IL1RAP: variants seen among roughly 807,000 people sequenced by gnomAD.
IL1RAP encodes interleukin 1 receptor accessory protein.
IL1RAP carries 35 observed loss-of-function variants against 60.7 expected under a neutral mutation model. The observed-to-expected ratio is 0.58, with a 90% CI of 0.44 to 0.76. The LOEUF (loss-of-function observed/expected upper bound fraction) is 0.76, where lower values mean the gene tolerates loss of function less well. IL1RAP is among the 30% of genes least tolerant of loss of function. The pLI, the probability that IL1RAP is intolerant of heterozygous loss-of-function variation, is 0.00. For missense variants in IL1RAP, 572 were observed against 693.9 expected (o/e 0.82, Z 1.97); for synonymous variants, 268 against 250.9 (o/e 1.07, Z -0.64).
chr3:190,518,544 A>C (rs1236454582), intron 1 of IL1RAP: 1 of 152,170 alleles, frequency 6.6e-6, no homozygotes, highest in Non-Finnish European at 1.5e-5. Flanking sequence ...AGCATGGCCT[A>C]TGTATTAGTC....
chr3:190,529,839 C>G (rs1352657329), intron 1 of IL1RAP, among the ~76,000 whole-genome samples: 1 of 137,610 alleles, frequency 7.3e-6, no homozygotes, highest in African/African-American at 2.8e-5. Context: ...GAGTGGGCAA[C>G]AGAGCGAGAC....
intron 5 of IL1RAP, among the ~76,000 whole-genome samples, chr3:190,617,650 T>G (rs963969577): frequency 6.6e-6 from 1 of 152,242 alleles, no homozygotes; most frequent in Non-Finnish European, 1.5e-5. Flanking sequence ...GTTTGTTTTC[T>G]TCTGGATTCC....
intron 9 of IL1RAP, among the ~76,000 whole-genome samples, chr3:190,641,091 G>A (rs1354204726): frequency 5.9e-5 from 9 of 152,040 alleles, no homozygotes; most frequent in African/African-American, 1.9e-4. Context: ...TCAGCCTCCC[G>A]AGTAGCTGGG....
At chr3:190,570,551 ATATT>A (rs142993218) in intron 3 of IL1RAP, among the ~76,000 whole-genome samples, 84,072 of 150,208 alleles carry the variant, frequency 0.56, 24,098 homozygotes, top group East Asian at 0.75. Flanking sequence ...AGATACTTTC[ATATT>A]TATTTATTTA....
At chr3:190,627,737 C>T (rs913451298) in intron 8 of IL1RAP, among the ~76,000 whole-genome samples, 25 of 152,128 alleles carry the variant, frequency 1.6e-4, no homozygotes, top group African/African-American at 6.0e-4. Context: ...TGTCTTAAGC[C>T]CAGCAAGATT....
At chr3:190,540,354 C>T (rs1428296552) in intron 1 of IL1RAP, among the ~76,000 whole-genome samples, 4 of 151,924 alleles carry the variant, frequency 2.6e-5, no homozygotes, top group African/African-American at 7.3e-5. Context: ...GTAAGATGTC[C>T]ATTTTGAAGC....
intron 11 of IL1RAP, among the ~76,000 whole-genome samples, chr3:190,647,745 C>T (rs1347875497): frequency 2.0e-5 from 3 of 152,168 alleles, no homozygotes; most frequent in Non-Finnish European, 4.4e-5. Flanking sequence ...TTTTGTTAAG[C>T]TTCTAGTCTA....
At chr3:190,521,693 C>A (rs1722033230) in intron 1 of IL1RAP, among the ~76,000 whole-genome samples, 1 of 151,742 alleles carries the variant, frequency 6.6e-6, no homozygotes, top group South Asian at 2.1e-4. Context: ...CCCTTTATGT[C>A]CTTAAGGATG....
chr3:190,555,926 GTCTATCTATCTATCTATCTATCTA>G (rs67490704), intron 1 of IL1RAP, 180 bp from the exon 2 acceptor site: 3 of 145,028 alleles, frequency 2.1e-5, no homozygotes, highest in South Asian at 2.3e-4. Context: ...ATAGAGATCT[GTCTATCTATCTATCTATCTATCTA>G]TCTATCTATC....
intron 6 of IL1RAP, among the ~76,000 whole-genome samples, chr3:190,622,148 A>G (rs554305939): frequency 1.1e-4 from 17 of 152,342 alleles, no homozygotes; most frequent in African/African-American, 3.8e-4. Context: ...GAAACAACTG[A>G]CTAAGGCATG....
intron 5 of IL1RAP, among the ~76,000 whole-genome samples, chr3:190,614,114 T>C (rs1318968100): frequency 6.6e-6 from 1 of 151,778 alleles, no homozygotes; most frequent in African/African-American, 2.4e-5. Context: ...AATTCTTTTT[T>C]AGTTGTTACC....
chr3:190,591,665 A>C (rs1443768050), intron 3 of IL1RAP, among the ~76,000 whole-genome samples: 1 of 152,210 alleles, frequency 6.6e-6, no homozygotes, highest in Non-Finnish European at 1.5e-5. Flanking sequence ...GATATTCTTC[A>C]TAGCCCCTAG....
chr3:190,514,920 C>T (rs1220813627), intron 1 of IL1RAP, among the ~76,000 whole-genome samples: 3 of 152,210 alleles, frequency 2.0e-5, no homozygotes, highest in African/African-American at 4.8e-5. Context: ...AGAGCCCCTT[C>T]CCTCTTCTAA....
intron 3 of IL1RAP, among the ~76,000 whole-genome samples, chr3:190,588,429 C>T (rs190692986): frequency 6.4e-4 from 98 of 152,246 alleles, no homozygotes; most frequent in African/African-American, 2.3e-3. Context: ...TTCTAAGCAA[C>T]CATCTTCATT....
rs1728904795 is a variant in IL1RAP, at chr3:190,591,123, T to TTCAGTTTGAAATGGGCTATAC, written c.65-12993_65-12973dup. ...CATCAACAACATTTGTTGAGCACAA[T>TTCAGTTTGAAATGGGCTATAC]TCAGTTTGAAATGGGCTATACTCAG... On this transcript the variant is annotated intron_variant, in intron 3 of 11. Transcript: ENST00000447382. 2.0e-5 allele frequency among the ~76,000 whole-genome samples: 3 copies of TTCAGTTTGAAATGGGCTATAC among 152,198 alleles called. No individual in the cohort carries two copies. The South Asian group carries it at 6.2e-4, about 31-fold the overall frequency.
intron 3 of IL1RAP, among the ~76,000 whole-genome samples, chr3:190,575,397 G>A (rs1475847491): frequency 1.3e-5 from 2 of 152,116 alleles, no homozygotes; most frequent in Non-Finnish European, 2.9e-5. Context: ...CTTGAAGAAC[G>A]TAAGTAAACA....
At chr3:190,603,676 G>T (rs968056074) in intron 3 of IL1RAP, among the ~76,000 whole-genome samples, 4 of 152,198 alleles carry the variant, frequency 2.6e-5, no homozygotes, top group African/African-American at 9.6e-5. Flanking sequence ...ACGTATGTGT[G>T]TTGCATTATA....
chr3:190,656,536 C>T, exon 12 of IL1RAP: 1 of 1,537,256 alleles, frequency 6.5e-7, no homozygotes, highest in South Asian at 1.2e-5. Flanking sequence ...ACCCCCTGCT[C>T]CCCAGATCTC....
intron 3 of IL1RAP, among the ~76,000 whole-genome samples, chr3:190,574,116 C>T (rs774902137): frequency 1.3e-5 from 2 of 152,018 alleles, no homozygotes; most frequent in Non-Finnish European, 2.9e-5. Flanking sequence ...CATTTTAAAA[C>T]ATGCCAACCA....
Sources: gnomAD v4.1 joint callset for allele counts (sites outside exome capture counted in the v4.1 genomes callset) on GRCh38, gnomAD v4.1.1 for gene constraint, MANE v1.5 for transcripts, NCBI Gene and HGNC (gene_info 2026-07-23, HGNC 2026-07-21) for gene names.